The following ITGA9 variants were observed in gnomAD, a reference collection of about 807,000 sequenced individuals.
The protein encoded by ITGA9 is integrin alpha-9.
In ITGA9, 56 loss-of-function variants were observed where a neutral mutation model predicts 127.8. The ratio of observed to expected loss-of-function variants is 0.44; its 90% CI spans 0.35 to 0.55. The LOEUF (loss-of-function observed/expected upper bound fraction) is 0.55. Among genes scored for constraint, ITGA9 ranks in the 20% least tolerant of loss-of-function variants. The pLI, the probability that ITGA9 is intolerant of heterozygous loss-of-function variation, is 0.00. For synonymous variants in ITGA9, 508 were observed against 514.5 expected, an observed-to-expected ratio of 0.99 and a Z score of 0.17; for missense variants, 1,196 against 1,347.1, an observed-to-expected ratio of 0.89 and a Z score of 1.76.
chr3:37,739,971 CA>C (rs1319653950), intron 20 of ITGA9, among the ~76,000 whole-genome samples: 3 of 152,198 alleles, frequency 2.0e-5, no homozygotes, highest in Non-Finnish European at 2.9e-5. Context: ...GCTGCTTTTG[CA>C]AACTGTGGAT....
At chr3:37,704,675 G>A (rs569589798) in intron 18 of ITGA9, among the ~76,000 whole-genome samples, 1 of 152,140 alleles carries the variant, frequency 6.6e-6, no homozygotes, top group Non-Finnish European at 1.5e-5. Flanking sequence ...ATACAACACC[G>A]GTGACTTGCT....
chr3:37,733,627 G>A (rs1696324584), intron 19 of ITGA9, among the ~76,000 whole-genome samples: 1 of 150,518 alleles, frequency 6.6e-6, no homozygotes, highest in Admixed American at 6.7e-5. Flanking sequence ...CCAGTATCTA[G>A]TAGCTATTTG....
chr3:37,670,854 G>A (rs927536618), intron 17 of ITGA9, among the ~76,000 whole-genome samples: 8 of 152,150 alleles, frequency 5.3e-5, no homozygotes. Flanking sequence ...GCCGTATTTG[G>A]TTCCTGAGCT....
chr3:37,715,696 C>T (rs1414599608), intron 18 of ITGA9, among the ~76,000 whole-genome samples: 1 of 152,300 alleles, frequency 6.6e-6, no homozygotes, highest in African/African-American at 2.4e-5. Flanking sequence ...TTAAAAAATC[C>T]TGGTTTGCTT....
chr3:37,615,535 G>A (rs182179946), intron 15 of ITGA9, among the ~76,000 whole-genome samples: 1,681 of 152,308 alleles, frequency 0.011, 17 homozygotes, highest in Non-Finnish European at 0.015. Context: ...AGTTTCAGAA[G>A]GAATAGTCCC....
intron 23 of ITGA9, among the ~76,000 whole-genome samples, chr3:37,762,800 C>G (rs774216645): frequency 2.2e-4 from 33 of 152,302 alleles, no homozygotes; most frequent in Non-Finnish European, 3.2e-4. Flanking sequence ...GCGTAGCTGT[C>G]CAGCAGCTCT....
intron 18 of ITGA9, among the ~76,000 whole-genome samples, chr3:37,698,375 C>G (rs1700910360): frequency 6.6e-6 from 1 of 152,066 alleles, no homozygotes; most frequent in Admixed American, 6.5e-5. Context: ...CTTTTGTTGC[C>G]ATTGCTTTTG....
chr3:37,678,849 G>C (rs139367878), intron 17 of ITGA9, among the ~76,000 whole-genome samples: 1 of 152,304 alleles, frequency 6.6e-6, no homozygotes, highest in Non-Finnish European at 1.5e-5. Flanking sequence ...CTAATGTACA[G>C]TGATGAATGA....
chr3:37,482,478 A>G (rs1029177005), intron 4 of ITGA9, among the ~76,000 whole-genome samples: 1 of 152,174 alleles, frequency 6.6e-6, no homozygotes, highest in African/African-American at 2.4e-5. Flanking sequence ...TTCTCAGCCT[A>G]ATTTTGGGTA....
At chr3:37,605,183 C>T (rs1368818455) in intron 15 of ITGA9, among the ~76,000 whole-genome samples, 1 of 152,020 alleles carries the variant, frequency 6.6e-6, no homozygotes, top group Non-Finnish European at 1.5e-5. Flanking sequence ...GGTTTGGAGG[C>T]AGGAATGGTG....
At chr3:37,488,418 G>C (rs1644775252) in intron 4 of ITGA9, among the ~76,000 whole-genome samples, 1 of 152,086 alleles carries the variant, frequency 6.6e-6, no homozygotes, top group South Asian at 2.1e-4. Context: ...ACTTGCTGCT[G>C]AAGTAGGGAG....
At chr3:37,622,674 T>C (rs945746993) in intron 15 of ITGA9, among the ~76,000 whole-genome samples, 1 of 151,986 alleles carries the variant, frequency 6.6e-6, no homozygotes, top group African/African-American at 2.4e-5. Context: ...GAAAACCCCG[T>C]CTCTACTAAA....
intron 15 of ITGA9, among the ~76,000 whole-genome samples, chr3:37,568,613 G>A (rs891128105): frequency 3.9e-4 from 60 of 152,298 alleles, no homozygotes; most frequent in African/African-American, 1.3e-3. Context: ...TTGCTGCTTA[G>A]AAATTTCTTC....
intron 18 of ITGA9, among the ~76,000 whole-genome samples, chr3:37,726,718 G>T (rs1436783422): frequency 6.6e-6 from 1 of 152,126 alleles, no homozygotes; most frequent in African/African-American, 2.4e-5. Flanking sequence ...CCCCTTCTTT[G>T]GCATCTCCCA....
intron 23 of ITGA9, among the ~76,000 whole-genome samples, chr3:37,767,111 G>A (rs1696788517): frequency 6.6e-6 from 1 of 152,224 alleles, no homozygotes; most frequent in South Asian, 2.1e-4. Context: ...GGGAGGAGGG[G>A]AGGATGCAGG....
intron 25 of ITGA9, among the ~76,000 whole-genome samples, chr3:37,784,268 C>G (rs1697012267): frequency 6.6e-6 from 1 of 152,138 alleles, no homozygotes; most frequent in African/African-American, 2.4e-5. Context: ...ATTCTTTCTC[C>G]ATCCCTGTTT....
intron 25 of ITGA9, among the ~76,000 whole-genome samples, chr3:37,781,912 C>G (rs1309786950): frequency 2.6e-5 from 4 of 152,156 alleles, no homozygotes; most frequent in African/African-American, 4.8e-5. Flanking sequence ...GTGCATAGTT[C>G]TGGTTTCTCT....
intron 15 of ITGA9, among the ~76,000 whole-genome samples, chr3:37,561,483 A>C (rs1208596997): frequency 6.6e-6 from 1 of 152,194 alleles, no homozygotes; most frequent in Non-Finnish European, 1.5e-5. Context: ...ACCTTTTATC[A>C]CCTGAGGTTC....
intron 18 of ITGA9, 54 bp from the exon 19 acceptor site, chr3:37,732,658 C>T (rs1559581596): frequency 7.1e-7 from 1 of 1,402,884 alleles, no homozygotes; most frequent in East Asian, 2.3e-5. Flanking sequence ...GAGCCTGCTC[C>T]CACACACCTG....
Sources: gnomAD v4.1 joint callset for allele counts (sites outside exome capture counted in the v4.1 genomes callset) on GRCh38, gnomAD v4.1.1 for gene constraint, MANE v1.5 for transcripts, NCBI Gene and HGNC (gene_info 2026-07-23, HGNC 2026-07-21) for gene names.